The following MGMT variants were observed in gnomAD, a reference collection of about 807,000 sequenced individuals.
MGMT encodes the protein methylated-DNA--protein-cysteine methyltransferase.
In MGMT, 14 loss-of-function variants were observed where a neutral mutation model predicts 15.9. The ratio of observed to expected loss-of-function variants is 0.88; its 90% CI spans 0.58 to 1.37. The LOEUF (loss-of-function observed/expected upper bound fraction) is 1.37, where lower values mean the gene tolerates loss of function less well. Ranked by LOEUF, MGMT falls within the 40% of genes most tolerant of loss-of-function variation. MGMT has a pLI of 0.00. For synonymous variants in MGMT, 130 were observed against 118.2 expected (o/e 1.10, Z -0.65); for missense variants, 282 against 268.1 (o/e 1.05, Z -0.36).
rs117813361 is a variant in MGMT, at chr10:129,495,495, A to G, written c.-13+28199A>G. The stretch of plus-strand genomic sequence containing the variant: ...GCCAAGTGATGAGAGACCATCTTCT[A>G]CATTTCATTTGCTGATTGTGACTCA... On this transcript the variant is annotated intron_variant, in intron 1 of 4. Transcript: ENST00000651593. Among the ~76,000 whole-genome samples, 593 of 152,348 alleles carry G rather than the reference A, an allele frequency of 3.9e-3. 2 individuals carry two copies. Among genetic ancestry groups the G allele is most frequent in the Middle Eastern group, 6.8e-3 (2 of 294 alleles).
intron 3 of MGMT, among the ~76,000 whole-genome samples, chr10:129,745,573 A>G (rs1848685682): frequency 6.6e-6 from 1 of 152,250 alleles, no homozygotes; most frequent in African/African-American, 2.4e-5. Context: ...GCATGTATCT[A>G]CAGCTTATTC....
At chr10:129,707,788 G>A in intron 2 of MGMT, 107 bp from the exon 3 acceptor site, 2 of 1,457,574 alleles carry the variant, frequency 1.4e-6, no homozygotes, top group South Asian at 1.1e-5. Flanking sequence ...GTGTGCCCAT[G>A]AAGCAGCCAC....
chr10:129,497,312 G>A (rs1015112882), intron 1 of MGMT, among the ~76,000 whole-genome samples: 12 of 152,146 alleles, frequency 7.9e-5, no homozygotes, highest in South Asian at 4.1e-4. Context: ...GTGCCTCCCC[G>A]GTCAGCTGGT....
At chr10:129,696,446 A>G (rs1848033585) in intron 2 of MGMT, among the ~76,000 whole-genome samples, 1 of 148,920 alleles carries the variant, frequency 6.7e-6, no homozygotes, top group Non-Finnish European at 1.5e-5. Flanking sequence ...AGTGATGCCC[A>G]TTTCCTGGGC....
intron 2 of MGMT, among the ~76,000 whole-genome samples, chr10:129,606,196 A>G (rs534766512): frequency 6.6e-6 from 1 of 152,350 alleles, no homozygotes; most frequent in African/African-American, 2.4e-5. Context: ...TTAAATTGAG[A>G]CAATAATGCC....
At chr10:129,489,504 C>T (rs552653660) in intron 1 of MGMT, among the ~76,000 whole-genome samples, 1 of 151,832 alleles carries the variant, frequency 6.6e-6, no homozygotes, top group African/African-American at 2.4e-5. Context: ...CATTCTTAGA[C>T]TAACCTGTTT....
intron 2 of MGMT, among the ~76,000 whole-genome samples, chr10:129,668,222 G>T (rs548839764): frequency 1.3e-5 from 2 of 151,652 alleles, no homozygotes; most frequent in South Asian, 4.2e-4. Context: ...TTCTGTAAAG[G>T]ACTAAATAGT....
chr10:129,660,976 T>C (rs1340029523), intron 2 of MGMT, among the ~76,000 whole-genome samples: 1 of 152,218 alleles, frequency 6.6e-6, no homozygotes, highest in Non-Finnish European at 1.5e-5. Flanking sequence ...TAAAATCCTC[T>C]TTCCAGAAGC....
chr10:129,655,590 C>T (rs1045959803), intron 2 of MGMT, among the ~76,000 whole-genome samples: 3 of 152,132 alleles, frequency 2.0e-5, no homozygotes, highest in Admixed American at 6.5e-5. Context: ...GTGTGACTCG[C>T]CCGGCTGAGG....
intron 2 of MGMT, among the ~76,000 whole-genome samples, chr10:129,611,706 G>C (rs1846962477): frequency 6.6e-6 from 1 of 152,162 alleles, no homozygotes; most frequent in African/African-American, 2.4e-5. Context: ...CCAAATTGAG[G>C]CCGGGGGCCT....
chr10:129,567,854 T>C (rs1406427105), intron 2 of MGMT, among the ~76,000 whole-genome samples: 4 of 152,236 alleles, frequency 2.6e-5, no homozygotes, highest in Non-Finnish European at 5.9e-5. Flanking sequence ...ATAGATCACC[T>C]AATTTTGTTC....
intron 2 of MGMT, among the ~76,000 whole-genome samples, chr10:129,553,474 C>A (rs187748976): frequency 6.6e-6 from 1 of 152,156 alleles, no homozygotes; most frequent in Non-Finnish European, 1.5e-5. Context: ...TGTTCACCAG[C>A]GCATGTGAAC....
intron 1 of MGMT, among the ~76,000 whole-genome samples, chr10:129,520,157 A>G (rs1262148015): frequency 6.6e-6 from 1 of 152,210 alleles, no homozygotes; most frequent in African/African-American, 2.4e-5. Flanking sequence ...ATGGGATCAG[A>G]CAAAACAGAT....
intron 2 of MGMT, among the ~76,000 whole-genome samples, chr10:129,545,687 C>T (rs979357711): frequency 2.6e-5 from 4 of 152,214 alleles, no homozygotes; most frequent in African/African-American, 9.7e-5. Flanking sequence ...CACCAACACA[C>T]ACCTCTCATA....
At chr10:129,523,108 CTG>C (rs1845831005) in intron 1 of MGMT, among the ~76,000 whole-genome samples, 1 of 152,380 alleles carries the variant, frequency 6.6e-6, no homozygotes, top group East Asian at 1.9e-4. Context: ...CAGACTGTCA[CTG>C]TGCAGCGCAG....
At chr10:129,550,401 G>T (rs1846143715) in intron 2 of MGMT, among the ~76,000 whole-genome samples, 1 of 150,572 alleles carries the variant, frequency 6.6e-6, no homozygotes, top group South Asian at 2.1e-4. Context: ...ACAGTGTTCC[G>T]CAGCCATCAC....
chr10:129,524,892 A>T (rs1045564457), intron 1 of MGMT, among the ~76,000 whole-genome samples: 13 of 152,224 alleles, frequency 8.5e-5, no homozygotes, highest in Admixed American at 8.5e-4. Flanking sequence ...ACCCGGCCCC[A>T]GAAAGACGTT....
At chr10:129,719,073 A>G (rs1848336175) in intron 3 of MGMT, among the ~76,000 whole-genome samples, 1 of 151,956 alleles carries the variant, frequency 6.6e-6, no homozygotes, top group South Asian at 2.1e-4. Context: ...CAGGCTGTCC[A>G]GAGCCGATCT....
intron 1 of MGMT, among the ~76,000 whole-genome samples, chr10:129,509,979 T>C (rs895420955): frequency 2.0e-5 from 3 of 152,086 alleles, no homozygotes; most frequent in African/African-American, 7.2e-5. Flanking sequence ...AAGGCCAGAT[T>C]GGAGGTGGGA....
Sources: allele counts gnomAD v4.1 joint callset (sites outside exome capture counted in the v4.1 genomes callset), GRCh38; gene constraint gnomAD v4.1.1; transcripts MANE v1.5; gene names NCBI Gene and HGNC (gene_info 2026-07-23, HGNC 2026-07-21).